HIBCH: variants seen among roughly 807,000 people sequenced by gnomAD.
HIBCH encodes the protein 3-hydroxyisobutyryl-CoA hydrolase.
A neutral mutation model predicts 58.2 loss-of-function variants in HIBCH; 50 were observed. That is an observed-to-expected ratio of 0.86 (90% CI 0.68 to 1.09). HIBCH has a LOEUF of 1.09. HIBCH is among the 50% of genes least tolerant of loss of function. The pLI is 0.00. For synonymous variants in HIBCH, 151 were observed against 146.9 expected (o/e 1.03, Z -0.20); for missense variants, 450 against 449.7 (o/e 1.00, Z -0.01).
At chr2:190,253,960 C>T (rs1686852443) in intron 7 of HIBCH, among the ~76,000 whole-genome samples, 1 of 152,118 alleles carries the variant, frequency 6.6e-6, no homozygotes, top group Non-Finnish European at 1.5e-5. Context: ...CCCCCTTCCC[C>T]CAATTCTGCT....
intron 9 of HIBCH, among the ~76,000 whole-genome samples, chr2:190,247,008 T>C (rs1686627581): frequency 6.6e-6 from 1 of 152,150 alleles, no homozygotes; most frequent in African/African-American, 2.4e-5. Context: ...AAGACTTTTT[T>C]TTTTTTTTAA....
chr2:190,306,680 A>G lies in HIBCH; in HGVS notation c.78+4074T>C, dbSNP rs1559064465. Among the ~76,000 whole-genome samples the G allele has an allele frequency of 6.6e-6, 1 of 152,180 alleles. No individual in the cohort carries two copies. Among genetic ancestry groups the G allele is most frequent in the Non-Finnish European group, 1.5e-5 (1 of 68,034 alleles). ...AGTGTCACGTCTTCTGCTAGCACCC[A>G]TGAAATATTAAGAAGCTAACTATTA... On this transcript the variant is annotated intron_variant, in intron 2 of 13. Transcript: ENST00000359678. This position sits in a 1 kb window ranked among gnomAD's most constrained non-coding sequence, Gnocchi z 4.6.
At chr2:190,219,062 C>T (rs1685643084) in intron 11 of HIBCH, among the ~76,000 whole-genome samples, 1 of 152,230 alleles carries the variant, frequency 6.6e-6, no homozygotes, top group Non-Finnish European at 1.5e-5. Flanking sequence ...CTGTTACCGT[C>T]CAACTGGACT....
At chr2:190,298,779 T>C (rs1018655939) in intron 2 of HIBCH, among the ~76,000 whole-genome samples, 2 of 152,206 alleles carry the variant, frequency 1.3e-5, no homozygotes, top group African/African-American at 2.4e-5. Flanking sequence ...TTGGCTTTTG[T>C]TGCAATTGCT....
chr2:190,268,567 T>C (rs1480642251), intron 6 of HIBCH, among the ~76,000 whole-genome samples: 1 of 152,214 alleles, frequency 6.6e-6, no homozygotes, highest in East Asian at 1.9e-4. Flanking sequence ...TTCAGACTGT[T>C]CCAATAGGAG....
chr2:190,234,435 G>A (rs972176966), intron 11 of HIBCH, among the ~76,000 whole-genome samples: 7 of 152,118 alleles, frequency 4.6e-5, no homozygotes, highest in African/African-American at 1.7e-4. Flanking sequence ...ATGAATAAGT[G>A]AACTGCAATA....
intron 11 of HIBCH, among the ~76,000 whole-genome samples, chr2:190,220,075 C>T (rs1559016527): frequency 6.6e-6 from 1 of 152,178 alleles, no homozygotes; most frequent in Non-Finnish European, 1.5e-5. Context: ...ATAAGAATTA[C>T]AGATCTGACT....
At chr2:190,314,368 TAC>T (rs1178427327) in intron 1 of HIBCH, among the ~76,000 whole-genome samples, 21 of 91,456 alleles carry the variant, frequency 2.3e-4, no homozygotes, top group Admixed American at 4.6e-4. Context: ...CGTATATATA[TAC>T]GTATATATGT....
At chr2:190,278,764 G>C (rs1687626980) in intron 6 of HIBCH, among the ~76,000 whole-genome samples, 1 of 145,078 alleles carries the variant, frequency 6.9e-6, no homozygotes. Flanking sequence ...AAAAAGCCTA[G>C]GTCTCACTCC....
intron 6 of HIBCH, among the ~76,000 whole-genome samples, chr2:190,262,163 C>CAAAAAAAAAAAAAA (rs982653583): frequency 2.2e-5 from 2 of 91,928 alleles, no homozygotes; most frequent in African/African-American, 7.8e-5. Context: ...GCGGTAGAGA[C>CAAAAAAAAAAAAAA]AAAAAAAAAA....
At position 190,204,947 on chromosome 2, in the gene HIBCH, A is replaced by G. The variant is rs1690352676; in HGVS notation, c.*170T>C. On this transcript the variant is annotated 3_prime_UTR_variant, in exon 14 of 14. Transcript: ENST00000359678. ...AAAGCTTTATTTGTGAATTCTGATAATTTTCACGTCATGAATTATTAGTCT... is the reference window on the plus strand; with the variant it reads ...AAAGCTTTATTTGTGAATTCTGATAGTTTTCACGTCATGAATTATTAGTCT... The G allele has an allele frequency of 6.4e-6, 4 of 625,894 alleles. No homozygotes were observed. In the Admixed American group the frequency reaches 7.7e-5, roughly 12 times the overall value. The allele number at this position is 625,894 out of a possible 1,614,324, so 38.8% of individuals were successfully genotyped here. A position where few individuals can be genotyped will look rare whatever the true frequency, so the allele number is the denominator to read the frequency against.
chr2:190,257,704 T>A (rs1023467521), intron 7 of HIBCH, among the ~76,000 whole-genome samples: 3 of 152,108 alleles, frequency 2.0e-5, no homozygotes, highest in Admixed American at 6.5e-5. Flanking sequence ...GGAAGCCCAA[T>A]ATCATGGTGC....
chr2:190,271,282 C>CTTTT (rs35074167), intron 6 of HIBCH, among the ~76,000 whole-genome samples: 68 of 83,768 alleles, frequency 8.1e-4, no homozygotes, highest in Middle Eastern at 0.01. Flanking sequence ...CTCTACCCTA[C>CTTTT]TTTTTTTTTT....
At chr2:190,302,233 G>C (rs1688282308) in intron 2 of HIBCH, among the ~76,000 whole-genome samples, 1 of 152,210 alleles carries the variant, frequency 6.6e-6, no homozygotes, top group Non-Finnish European at 1.5e-5. Context: ...TCTAGTGAGG[G>C]AAACAGGAAT....
rs765699661 is a variant in HIBCH at position 190,304,324 on chromosome 2, C to G, written c.78+6430G>C. 6.6e-6 allele frequency among the ~76,000 whole-genome samples: 1 copy of G among 151,252 alleles called. No individual in the cohort carries two copies. The highest frequency in any genetic ancestry group is 2.4e-5 in the African/African-American group (1 of 41,094). On this transcript the variant is annotated intron_variant, in intron 2 of 13. Coordinates refer to ENST00000359678, the MANE Select transcript of HIBCH (RefSeq NM_014362.4). The surrounding 1 kb of genome is among the most constrained non-coding windows in gnomAD (Gnocchi z 4.1). ...GCTGATGTCCAAAGTCAAAAGGATA[C>G]ATCTAGTGAGGGCCTTCTTACTGGT...
chr2:190,195,083 T>C (rs1224930717), intron 1 of HIBCH, among the ~76,000 whole-genome samples: 1 of 152,100 alleles, frequency 6.6e-6, no homozygotes, highest in Non-Finnish European at 1.5e-5. Flanking sequence ...AGGCTGGTCT[T>C]GAACTCCTGG....
chr2:190,233,196 G>A (rs1457815390), intron 11 of HIBCH, among the ~76,000 whole-genome samples: 1 of 151,876 alleles, frequency 6.6e-6, no homozygotes, highest in East Asian at 1.9e-4. Flanking sequence ...GGATATAAAA[G>A]AACTATAAAG....
Position 190,306,644 on chromosome 2 carries a change from TC to T in HIBCH, c.78+4109del, listed in dbSNP as rs1688414956. Among the ~76,000 whole-genome samples, 1 of 152,164 alleles carries T rather than the reference TC, an allele frequency of 6.6e-6. No individual in the cohort carries two copies. Among genetic ancestry groups the T allele is most frequent in the South Asian group, 2.1e-4 (1 of 4,832 alleles). On this transcript the variant is annotated intron_variant, in intron 2 of 13. Coordinates refer to ENST00000359678, the MANE Select transcript of HIBCH (RefSeq NM_014362.4). This position sits in a 1 kb window ranked among gnomAD's most constrained non-coding sequence, Gnocchi z 4.6. ...GCCACTCATAAAAAATTCTATTTTT[TC>T]TAATCCAAGAGTGTCACGTCTTCTG...
At chr2:190,265,071 C>T (rs1335795164) in intron 6 of HIBCH, among the ~76,000 whole-genome samples, 1 of 124,014 alleles carries the variant, frequency 8.1e-6, no homozygotes, top group East Asian at 2.4e-4. Flanking sequence ...TGCAGTGAGT[C>T]AAGATTGTGC....
Sources: gnomAD v4.1 joint callset for allele counts (sites outside exome capture counted in the v4.1 genomes callset) on GRCh38, gnomAD v4.1.1 for gene constraint, Gnocchi (gnomAD v3.1) non-coding constraint, MANE v1.5 for transcripts, NCBI Gene and HGNC (gene_info 2026-07-23, HGNC 2026-07-21) for gene names.